Variants in TCF20 observed in about 807,000 individuals in gnomAD.
The protein encoded by TCF20 is transcription factor 20.
In TCF20, 3 loss-of-function variants were observed where a neutral mutation model predicts 148.6. That is an observed-to-expected ratio of 0.02 (90% CI 0.01 to 0.05). The LOEUF is 0.05. TCF20 is among the 10% of genes least tolerant of loss of function. The pLI, the probability that TCF20 is intolerant of heterozygous loss-of-function variation, is 1.00. For missense variants in TCF20, 2,350 were observed against 2,429.3 expected (o/e 0.97, Z 0.69); for synonymous variants, 1,049 against 909.5 (o/e 1.15, Z -2.76).
intron 1 of TCF20, among the ~76,000 whole-genome samples, chr22:42,218,294 C>CA (rs1189427624): frequency 6.6e-6 from 1 of 152,196 alleles, no homozygotes; most frequent in East Asian, 1.9e-4. Flanking sequence ...GTTGTCCTGT[C>CA]AGTTTGGCCT....
intron 1 of TCF20, among the ~76,000 whole-genome samples, chr22:42,321,140 C>A (rs1411467874): frequency 6.6e-6 from 1 of 152,236 alleles, no homozygotes; most frequent in Non-Finnish European, 1.5e-5. Flanking sequence ...AGATTTAAGG[C>A]CTTCTTGGCC....
rs1051913302 is a variant in TCF20, at chr22:42,216,143, G to T, written c.-36-802C>A. 2.4e-4 allele frequency among the ~76,000 whole-genome samples: 30 copies of T among 126,852 alleles called. 1 individual carries two copies. In the Admixed American group the frequency reaches 3.0e-3, roughly 13 times the overall value. The allele number at this position is 126,852 out of a possible 152,430, so 83.2% of individuals were successfully genotyped here. The stretch of plus-strand genomic sequence containing the variant: ...CTCACTCTTGCCCAGGCTGGAGTGT[G>T]CAGGGGCACAGTCGTAGTTCACTGC... On this transcript the variant is annotated intron_variant, in intron 1 of 5. Coordinates refer to ENST00000677622, the MANE Select transcript of TCF20 (RefSeq NM_001378418.1).
At chr22:42,264,926 C>T (rs1926203932) in intron 1 of TCF20, among the ~76,000 whole-genome samples, 1 of 152,242 alleles carries the variant, frequency 6.6e-6, no homozygotes, top group African/African-American at 2.4e-5. Context: ...ATCTTCCAAT[C>T]ATACTGATAT....
At chr22:42,315,711 G>C (rs1927617568) in intron 1 of TCF20, among the ~76,000 whole-genome samples, 1 of 152,174 alleles carries the variant, frequency 6.6e-6, no homozygotes, top group Admixed American at 6.5e-5. Flanking sequence ...GGGCTGGTCA[G>C]AGAGGACTAC....
At chr22:42,168,834 G>GA in intron 4 of TCF20, 98 bp from the exon 5 acceptor site, 5 of 1,424,154 alleles carry the variant, frequency 3.5e-6, no homozygotes, top group Non-Finnish European at 4.6e-6. Flanking sequence ...CATGGAAAAG[G>GA]AAAGAAAAGG....
In TCF20 at chr22:42,299,057, C is replaced by T. The variant is rs1927284953; in HGVS notation, c.-37+44422G>A. 6.6e-6 allele frequency among the ~76,000 whole-genome samples: 1 copy of T among 152,168 alleles called. No individual in the cohort carries two copies. The highest frequency in any genetic ancestry group is 2.4e-5 in the African/African-American group (1 of 41,436). On this transcript the variant is annotated intron_variant, in intron 1 of 1. Coordinates refer to the TCF20 transcript ENST00000515426. This position sits in a 1 kb window ranked among gnomAD's most constrained non-coding sequence, Gnocchi z 4.1. ...TAACCATGGCAGTGATGGGTGGGCTCCAAGGGTTCCCACACCCACCGCCTG... is the reference window on the plus strand; with the variant it reads ...TAACCATGGCAGTGATGGGTGGGCTTCAAGGGTTCCCACACCCACCGCCTG...
At chr22:42,273,682 T>C (rs975471986), upstream of TCF20, among the ~76,000 whole-genome samples, 12 of 151,988 alleles carry the variant, frequency 7.9e-5, no homozygotes, top group South Asian at 2.1e-4. Context: ...CTAGTTTTTT[T>C]CCCCCTCCCT....
chr22:42,194,841 G>C (rs1450528528), intron 2 of TCF20, among the ~76,000 whole-genome samples: 1 of 151,840 alleles, frequency 6.6e-6, no homozygotes, highest in East Asian at 2.0e-4. Context: ...GGGAGGGCAG[G>C]CCTCTGAGGC....
chr22:42,282,609 C>T (rs376309327), intron 1 of TCF20, among the ~76,000 whole-genome samples: 25 of 152,366 alleles, frequency 1.6e-4, no homozygotes, highest in Admixed American at 3.9e-4. Flanking sequence ...GAAGCAGCTG[C>T]GGGCAGAAGT....
intron 1 of TCF20, among the ~76,000 whole-genome samples, chr22:42,305,364 C>T (rs1454325884): frequency 6.6e-6 from 1 of 152,158 alleles, no homozygotes; most frequent in Non-Finnish European, 1.5e-5. Flanking sequence ...CCATCCCACC[C>T]CTTAACCCCC....
intron 2 of TCF20, among the ~76,000 whole-genome samples, chr22:42,200,773 G>A (rs894140925): frequency 5.3e-5 from 8 of 151,818 alleles, no homozygotes; most frequent in African/African-American, 1.9e-4. Context: ...TAATCCCACA[G>A]CCTCTCGAAT....
chr22:42,260,387 T>G (rs147030512), intron 1 of TCF20, among the ~76,000 whole-genome samples: 1 of 152,318 alleles, frequency 6.6e-6, no homozygotes, highest in African/African-American at 2.4e-5. Context: ...TAATCCAATT[T>G]GAATTTTTAA....
chr22:42,225,562 C>A (rs1488128139), intron 1 of TCF20, among the ~76,000 whole-genome samples: 6 of 145,804 alleles, frequency 4.1e-5, no homozygotes, highest in Non-Finnish European at 8.9e-5. Flanking sequence ...TGCAGTGAGC[C>A]GAGATTGCGC....
intron 1 of TCF20, among the ~76,000 whole-genome samples, chr22:42,289,630 G>C (rs1463187582): frequency 2.0e-5 from 3 of 152,234 alleles, no homozygotes; most frequent in Non-Finnish European, 4.4e-5. Flanking sequence ...GTGGGTCTGT[G>C]ACCCTGAACT....
chr22:42,173,033 C>A (rs1936221717), intron 3 of TCF20, among the ~76,000 whole-genome samples: 1 of 151,780 alleles, frequency 6.6e-6, no homozygotes, highest in African/African-American at 2.4e-5. Context: ...CCAGCAAGAT[C>A]AAAGTCTGCA....
upstream of TCF20, among the ~76,000 whole-genome samples, chr22:42,285,510 G>T (rs1251630373): frequency 2.6e-5 from 4 of 152,086 alleles, no homozygotes; most frequent in Admixed American, 2.6e-4. This position sits in a 1 kb window ranked among gnomAD's most constrained non-coding sequence, Gnocchi z 4.2. Context: ...GAATCCACAG[G>T]AGGCATTCCG....
In TCF20 at chr22:42,211,018, G is replaced by A. The variant is rs1268145990; in HGVS notation, c.4288C>T (p.Leu1430Phe). The change falls in exon 2 of 6, where the codon CTT becomes TTT. Residue 1430 changes from leucine (L) to phenylalanine (F), a missense_variant. Leu to Phe is a conservative substitution (Grantham distance 22, BLOSUM62 0). This residue lies in a region of TCF20 where 231 missense variants were observed against 213.7 expected (regional missense o/e 1.08). Transcript: ENST00000677622. Reference protein sequence around the residue: ...ANQELHVEKPLPRSSEEWRGS... With the variant: ...ANQELHVEKPFPRSSEEWRGS... ...CGCCACTCTTCTGAAGACCTTGGAA[G>A]AGGTTTCTCTACGTGCAACTCCTGG... 1.2e-6 allele frequency: 2 copies of A among 1,614,136 alleles called. No individual in the cohort carries two copies. Among genetic ancestry groups the A allele is most frequent in the Admixed American group, 1.7e-5 (1 of 60,014 alleles).
intron 2 of TCF20, 123 bp from the exon 3 acceptor site, chr22:42,179,825 G>A: frequency 1.5e-6 from 1 of 667,698 alleles, no homozygotes; most frequent in Admixed American, 2.3e-5. Flanking sequence ...AGTCCGTGGT[G>A]GCAGGATGAG....
intron 3 of TCF20, among the ~76,000 whole-genome samples, chr22:42,178,344 CAT>C (rs1936566525): frequency 6.6e-6 from 1 of 152,046 alleles, no homozygotes; most frequent in African/African-American, 2.4e-5. Context: ...AAACACAGGT[CAT>C]AACACAGGGC....
Sources: allele counts gnomAD v4.1 joint callset (sites outside exome capture counted in the v4.1 genomes callset), GRCh38; gene constraint gnomAD v4.1.1; regional missense constraint gnomAD v4.1.1; non-coding constraint Gnocchi (gnomAD v3.1); transcripts MANE v1.5; gene names NCBI Gene and HGNC (gene_info 2026-07-23, HGNC 2026-07-21).